The following SH3TC2 variants were observed in gnomAD, a reference collection of about 807,000 sequenced individuals.
SH3TC2 encodes the protein SH3 domain and tetratricopeptide repeat-containing protein 2.
SH3TC2 carries 87 observed loss-of-function variants against 124.5 expected under a neutral mutation model. That is an observed-to-expected ratio of 0.70 (90% CI 0.59 to 0.84). SH3TC2 has a LOEUF of 0.84. Ranked by LOEUF, SH3TC2 falls within the 40% of genes least tolerant of loss-of-function variation. The probability of loss-of-function intolerance (pLI) is 0.00; values close to 1 mark genes in which losing one functional copy is unlikely to be tolerated. For synonymous variants in SH3TC2, 634 were observed against 628.5 expected (o/e 1.01, Z -0.13); for missense variants, 1,536 against 1,566.4 (o/e 0.98, Z 0.33).
chr5:149,038,446 T>G lies in SH3TC2; in HGVS notation c.850A>C (p.Lys284Gln). 1 of 1,614,148 alleles carries G rather than the reference T, an allele frequency of 6.2e-7. No homozygotes were observed. Among genetic ancestry groups the G allele is most frequent in the Non-Finnish European group, 8.5e-7 (1 of 1,180,000 alleles). Residue 284 changes from lysine to glutamine, a missense_variant, in exon 8 of 17, where the codon AAG becomes CAG. Transcript: ENST00000515425. ...KALTGYEPGE[K>Q]DELNFYQGES... ...CCCTGGTAGAAATTCAGTTCATCCT[T>G]TTCTCCTGGCTCATAACCCGTCAAG...
In SH3TC2 at chr5:149,028,179, GC is replaced by G; in HGVS notation, c.1552del (p.Ala518ProfsTer6). The G allele has an allele frequency of 6.2e-7, 1 of 1,614,094 alleles. No individual in the cohort carries two copies. Among genetic ancestry groups the G allele is most frequent in the Non-Finnish European group, 8.5e-7 (1 of 1,180,028 alleles). Reference protein sequence around the residue: ...VAYLEASRKWAKKSHMTWAHA... With the variant: ...VAYLEASRKWXKKSHMTWAHA... ...GGCCCAGGTCATGTGGCTCTTCTTG[GC>G]CCACTTTCTTGATGCCTCCAGGTAG... On this transcript the variant is annotated frameshift_variant, in exon 11 of 17. Coordinates refer to ENST00000515425, the MANE Select transcript of SH3TC2 (RefSeq NM_024577.4). LOFTEE classifies it high-confidence loss of function.
In SH3TC2 at chr5:148,994,881, G is replaced by A. The variant is rs557247993; in HGVS notation, c.*9830C>T. 8.0e-4 allele frequency among the ~76,000 whole-genome samples: 121 copies of A among 152,094 alleles called. No homozygotes were observed. The highest frequency in any genetic ancestry group is 1.4e-3 in the Non-Finnish European group (97 of 68,030). On this transcript the variant is annotated 3_prime_UTR_variant, in exon 17 of 17. Coordinates refer to ENST00000515425, the MANE Select transcript of SH3TC2 (RefSeq NM_024577.4). Reference sequence around the variant, plus strand: ...CAAACAGACTGACAGATACTCAAGGGCAAGGATGAGGTTTTTATCCACATC... The same window carrying A: ...CAAACAGACTGACAGATACTCAAGGACAAGGATGAGGTTTTTATCCACATC...
intron 7 of SH3TC2, among the ~76,000 whole-genome samples, chr5:149,039,641 G>T (rs1463317440): frequency 6.6e-6 from 1 of 152,166 alleles, no homozygotes; most frequent in East Asian, 1.9e-4. Flanking sequence ...ATGTCATTTT[G>T]TTTGGTTCTC....
intron 8 of SH3TC2, among the ~76,000 whole-genome samples, chr5:149,037,525 G>T (rs1026618358): frequency 2.0e-5 from 3 of 152,196 alleles, no homozygotes; most frequent in African/African-American, 7.2e-5. Context: ...TCTCTGTTCA[G>T]ATCGTTAGAC....
At position 148,999,846 on chromosome 5, in the gene SH3TC2, C is replaced by T. The variant is rs1753567892; in HGVS notation, c.*4865G>A. ...AATCCTTCTATACCTTCCCCTCAACCTCCAGGTAGAATCCAAACCCTCTTT... is the reference window on the plus strand; with the variant it reads ...AATCCTTCTATACCTTCCCCTCAACTTCCAGGTAGAATCCAAACCCTCTTT... On this transcript the variant is annotated 3_prime_UTR_variant, in exon 17 of 17. Coordinates refer to ENST00000515425, the MANE Select transcript of SH3TC2 (RefSeq NM_024577.4). Among the ~76,000 whole-genome samples the T allele has an allele frequency of 1.3e-5, 2 of 152,234 alleles. No homozygotes were observed. Among genetic ancestry groups the T allele is most frequent in the Middle Eastern group, 3.4e-3 (1 of 294 alleles).
rs1753583989 is a variant in SH3TC2 at position 149,000,773 on chromosome 5, C to T, written c.*3938G>A. Among the ~76,000 whole-genome samples the T allele has an allele frequency of 6.6e-6, 1 of 152,198 alleles. No individual in the cohort carries two copies. Among genetic ancestry groups the T allele is most frequent in the African/African-American group, 2.4e-5 (1 of 41,448 alleles). On this transcript the variant is annotated 3_prime_UTR_variant, in exon 17 of 17. Transcript: ENST00000515425. Reference sequence around the variant, plus strand: ...CAAGTACCACTGTCTTTGCCACTAACTACCAATGTGTCTGGGAGAAAGTTA... The same window carrying T: ...CAAGTACCACTGTCTTTGCCACTAATTACCAATGTGTCTGGGAGAAAGTTA...
In SH3TC2 at chr5:149,001,165, A is replaced by AAC. The variant is rs146901634; in HGVS notation, c.*3544_*3545dup. ...TATATTTACAAAGAGGAAGAAAATG[A>AAC]ACACACACACACACACATACATATA... On this transcript the variant is annotated 3_prime_UTR_variant, in exon 17 of 17. Transcript: ENST00000515425. Among the ~76,000 whole-genome samples, 144 of 151,582 alleles carry AAC rather than the reference A, an allele frequency of 9.5e-4. 1 individual carries two copies. The East Asian group carries it at 0.015, about 16-fold the overall frequency.
rs1753352391 is a variant in SH3TC2 at position 148,987,551 on chromosome 5, T to A, written c.*17160A>T. On this transcript the variant is annotated 3_prime_UTR_variant, in exon 17 of 17. Transcript: ENST00000515425. Reference sequence around the variant, plus strand: ...CATCTATAGTCTTGGGCATATTCCATAAGACTTCCACATATTTGGCTGGGT... The same window carrying A: ...CATCTATAGTCTTGGGCATATTCCAAAAGACTTCCACATATTTGGCTGGGT... Among the ~76,000 whole-genome samples, 1 of 152,240 alleles carries A rather than the reference T, an allele frequency of 6.6e-6. No homozygotes were observed. The highest frequency in any genetic ancestry group is 1.5e-5 in the Non-Finnish European group (1 of 68,048).
chr5:149,053,369 A>C (rs40525), intron 1 of SH3TC2, among the ~76,000 whole-genome samples: 41,855 of 152,150 alleles, frequency 0.28, 6,287 homozygotes, highest in African/African-American at 0.37. Context: ...CCTTCCATTT[A>C]TTCGCAGTGG....
Position 148,984,092 on chromosome 5 carries a change from C to G in SH3TC2, c.*20619G>C, listed in dbSNP as rs779795584. 6.6e-6 allele frequency among the ~76,000 whole-genome samples: 1 copy of G among 152,166 alleles called. No individual in the cohort carries two copies. The highest frequency in any genetic ancestry group is 6.5e-5 in the Admixed American group (1 of 15,278). On this transcript the variant is annotated 3_prime_UTR_variant, in exon 17 of 17. Transcript: ENST00000515425. ...TTGATATCACTTCCCAGATTTGGGA[C>G]GTTTTCAGCTATTATTTCTTTAGAT...
At chr5:149,047,673 G>A in intron 3 of SH3TC2, 189 bp downstream of exon 3, 1 of 753,440 alleles carries the variant, frequency 1.3e-6, no homozygotes. Flanking sequence ...GCCTCATTCA[G>A]AGTTCCTGCC....
At position 148,988,236 on chromosome 5, in the gene SH3TC2, G is replaced by A. The variant is rs1023179023; in HGVS notation, c.*16475C>T. ...AAGCATCTTTACTCCTTCTCCCATG[G>A]ACATGAAAATCATTATCAAAAATCC... On this transcript the variant is annotated 3_prime_UTR_variant, in exon 17 of 17. Coordinates refer to ENST00000515425, the MANE Select transcript of SH3TC2 (RefSeq NM_024577.4). 5.3e-5 allele frequency among the ~76,000 whole-genome samples: 8 copies of A among 152,072 alleles called. No homozygotes were observed. Among genetic ancestry groups the A allele is most frequent in the Admixed American group, 6.6e-5 (1 of 15,264 alleles).
At chr5:149,040,848 G>A (rs1319156691) in intron 6 of SH3TC2, among the ~76,000 whole-genome samples, 171 bp from the exon 7 acceptor site, 1 of 152,218 alleles carries the variant, frequency 6.6e-6, no homozygotes, top group African/African-American at 2.4e-5. Context: ...GTGAAAAGGT[G>A]AGAAGTTAGT....
rs552963495 is a variant in SH3TC2, at chr5:148,983,562, T to C, written c.*21149A>G. Among the ~76,000 whole-genome samples, 8 of 152,322 alleles carry C rather than the reference T, an allele frequency of 5.3e-5. No homozygotes were observed. In the East Asian group the frequency reaches 1.2e-3, roughly 22 times the overall value. On this transcript the variant is annotated 3_prime_UTR_variant, in exon 17 of 17. Coordinates refer to ENST00000515425, the MANE Select transcript of SH3TC2 (RefSeq NM_024577.4). The stretch of plus-strand genomic sequence containing the variant: ...CTGCATATGTGGGAGCTGAATTGCA[T>C]ACTGATTTCATCTTGCTGAAGTGCA...
rs768614390 is a variant in SH3TC2 at position 149,063,054 on chromosome 5, T to G, written c.-32A>C. 6.3e-7 allele frequency: 1 copy of G among 1,580,236 alleles called. No individual in the cohort carries two copies. Among genetic ancestry groups the G allele is most frequent in the Non-Finnish European group, 8.6e-7 (1 of 1,161,498 alleles). On this transcript the variant is annotated 5_prime_UTR_variant, in exon 1 of 17. Transcript: ENST00000515425. ...ACCATCCTACCCTGGCCGAGGCCCT[T>G]GGGAACACAGGCCAGAAGAGTGCTG...
chr5:148,983,498 G>T lies in SH3TC2; in HGVS notation c.*21213C>A, dbSNP rs1753284472. 6.6e-6 allele frequency among the ~76,000 whole-genome samples: 1 copy of T among 152,186 alleles called. No homozygotes were observed. The highest frequency in any genetic ancestry group is 2.4e-5 in the African/African-American group (1 of 41,442). On this transcript the variant is annotated 3_prime_UTR_variant, in exon 17 of 17. Transcript: ENST00000515425. ...CCCGAACTCAGTTTATCCAGGTGGA[G>T]GTCCCAAGAAACCAAATGCAGCTCC...
intron 8 of SH3TC2, among the ~76,000 whole-genome samples, chr5:149,034,876 T>C (rs535280751): frequency 3.3e-5 from 5 of 152,330 alleles, no homozygotes; most frequent in African/African-American, 1.2e-4. Context: ...ATAGTTAAAG[T>C]TATTTTTTCC....
intron 8 of SH3TC2, among the ~76,000 whole-genome samples, chr5:149,033,111 A>C (rs962485987): frequency 7.2e-5 from 11 of 152,212 alleles, no homozygotes; most frequent in Non-Finnish European, 5.9e-5. Context: ...AGAACTGTTC[A>C]GTGACATGCT....
intron 1 of SH3TC2, among the ~76,000 whole-genome samples, chr5:149,053,003 T>C (rs916508895): frequency 2.0e-5 from 3 of 152,332 alleles, no homozygotes; most frequent in African/African-American, 7.2e-5. Context: ...ACATTAATTT[T>C]AGTTGATGGA....
Sources: gnomAD v4.1 joint callset for allele counts (sites outside exome capture counted in the v4.1 genomes callset) on GRCh38, gnomAD v4.1.1 for gene constraint, MANE v1.5 for transcripts, NCBI Gene and HGNC (gene_info 2026-07-23, HGNC 2026-07-21) for gene names.